The following PPP3CA variants were observed in gnomAD, a reference collection of about 807,000 sequenced individuals.
PPP3CA encodes protein phosphatase 3 catalytic subunit alpha, also known as CAM-PRP catalytic subunit.
A neutral mutation model predicts 66.5 loss-of-function variants in PPP3CA; 14 were observed. The observed-to-expected ratio is 0.21, with a 90% CI of 0.14 to 0.33. The LOEUF (loss-of-function observed/expected upper bound fraction) is 0.33. PPP3CA is among the 10% of genes least tolerant of loss of function. The pLI is 1.00. For missense variants in PPP3CA, 317 were observed against 639.5 expected, an observed-to-expected ratio of 0.50 and a Z score of 5.44; for synonymous variants, 232 against 226.2, an observed-to-expected ratio of 1.03 and a Z score of -0.23.
intron 1 of PPP3CA, among the ~76,000 whole-genome samples, chr4:101,335,969 C>T (rs1204632245): frequency 6.6e-6 from 1 of 152,106 alleles, no homozygotes; most frequent in Non-Finnish European, 1.5e-5. Context: ...CTTTGGGAGG[C>T]CGAGGTGGGT....
At chr4:101,064,777 A>C (rs1728611695) in intron 8 of PPP3CA, among the ~76,000 whole-genome samples, 1 of 152,064 alleles carries the variant, frequency 6.6e-6, no homozygotes, top group South Asian at 2.1e-4. Flanking sequence ...GCCCAGAAGT[A>C]ATATAATCAT....
intron 1 of PPP3CA, among the ~76,000 whole-genome samples, chr4:101,228,869 C>T (rs1188814986): frequency 1.3e-5 from 2 of 151,610 alleles, no homozygotes; most frequent in Admixed American, 6.6e-5. Context: ...ACAAAGATAA[C>T]CTCCACCAGA....
intron 6 of PPP3CA, among the ~76,000 whole-genome samples, chr4:101,091,549 T>A (rs1260386163): frequency 6.6e-6 from 1 of 152,070 alleles, no homozygotes; most frequent in African/African-American, 2.4e-5. Flanking sequence ...TGCACTAGAT[T>A]TTCTATTCAT....
chr4:101,244,291 C>T (rs1466138336), intron 1 of PPP3CA, among the ~76,000 whole-genome samples: 1 of 152,076 alleles, frequency 6.6e-6, no homozygotes, highest in African/African-American at 2.4e-5. Context: ...TACTCTTTAC[C>T]ACACAAAAGT....
At position 101,278,122 on chromosome 4, in the gene PPP3CA, T is replaced by TAAAAAAAA. The variant is rs3077992; in HGVS notation, c.58+68609_58+68616dup. ...AAAATGAAACTTTAAAAGCTATTAG[T>TAAAAAAAA]AAAAAAAAAAAAAAAAATAAAAAAA... On this transcript the variant is annotated intron_variant, in intron 1 of 13. Coordinates refer to ENST00000394854, the MANE Select transcript of PPP3CA (RefSeq NM_000944.5). Among the ~76,000 whole-genome samples, 240 of 112,058 alleles carry TAAAAAAAA rather than the reference T, an allele frequency of 2.1e-3. 2 individuals carry two copies. Among genetic ancestry groups the TAAAAAAAA allele is most frequent in the East Asian group, 0.015 (45 of 3,044 alleles). 73.5% of individuals were successfully genotyped at this position (112,058 alleles called of 152,430 possible).
In PPP3CA at chr4:101,042,968, G is replaced by A. The variant is rs536437056; in HGVS notation, c.1157-2402C>T. ...AAATTCCCTACCTCAACTGACCTGTGAACTCAGGGGTCATGATGTGCTGAG... is the reference window on the plus strand; with the variant it reads ...AAATTCCCTACCTCAACTGACCTGTAAACTCAGGGGTCATGATGTGCTGAG... On this transcript the variant is annotated intron_variant, in intron 10 of 13. Transcript: ENST00000394854. 3.3e-5 allele frequency among the ~76,000 whole-genome samples: 5 copies of A among 151,972 alleles called. No homozygotes were observed. The East Asian group carries it at 9.7e-4, about 29-fold the overall frequency.
chr4:101,083,408 C>T, intron 6 of PPP3CA, 145 bp from the exon 7 acceptor site: 1 of 689,376 alleles, frequency 1.5e-6, no homozygotes, highest in Non-Finnish European at 2.4e-6. Flanking sequence ...GACTCTAAGG[C>T]CAAGTTTATC....
intron 1 of PPP3CA, among the ~76,000 whole-genome samples, chr4:101,295,601 C>T (rs1416049076): frequency 1.3e-5 from 2 of 152,154 alleles, no homozygotes; most frequent in African/African-American, 4.8e-5. Flanking sequence ...CAGAATGAAA[C>T]AAAATGGGGA....
Position 101,080,573 on chromosome 4 carries a change from A to G in PPP3CA, c.914T>C (p.Ile305Thr). 1 of 1,536,342 alleles carries G rather than the reference A, an allele frequency of 6.5e-7. No homozygotes were observed. Among genetic ancestry groups the G allele is most frequent in the Non-Finnish European group, 8.8e-7 (1 of 1,130,172 alleles). The part of the protein sequence containing the change: ...QTTGFPSLIT[I>T]FSAPNYLDVY... ...ATCTAAGTAATTTGGTGCTGAAAAA[A>G]TTGTAATTAGAGAAGGGAAGCCTGT... The change falls in exon 8 of 14, where the codon ATT becomes ACT. Residue 305 changes from isoleucine to threonine, a missense_variant. Physicochemically the swap from Ile to Thr is moderately conservative, Grantham distance 89. Coordinates refer to ENST00000394854, the MANE Select transcript of PPP3CA (RefSeq NM_000944.5).
chr4:101,164,742 G>A (rs1002415835), intron 2 of PPP3CA, among the ~76,000 whole-genome samples: 8 of 152,048 alleles, frequency 5.3e-5, no homozygotes, highest in African/African-American at 1.9e-4. Context: ...AGAGGGCAGT[G>A]AGGATCAGAT....
intron 2 of PPP3CA, among the ~76,000 whole-genome samples, chr4:101,180,864 C>CA (rs1724214285): frequency 6.6e-6 from 1 of 151,792 alleles, no homozygotes; most frequent in Non-Finnish European, 1.5e-5. Context: ...TGAGTCTCTA[C>CA]AAAAAAATAA....
chr4:101,140,880 A>G (rs758784354), intron 2 of PPP3CA, among the ~76,000 whole-genome samples: 1 of 152,182 alleles, frequency 6.6e-6, no homozygotes, highest in Non-Finnish European at 1.5e-5. Flanking sequence ...ATCTGTTTTT[A>G]GTATTCTACC....
chr4:101,269,843 T>C (rs1727282560), intron 1 of PPP3CA, among the ~76,000 whole-genome samples: 1 of 152,214 alleles, frequency 6.6e-6, no homozygotes, highest in South Asian at 2.1e-4. Context: ...GCAACATCAG[T>C]AGAAGTCACG....
Position 101,048,100 on chromosome 4 carries a change from C to G in PPP3CA, c.1157-7534G>C, listed in dbSNP as rs527790432. 3.9e-5 allele frequency among the ~76,000 whole-genome samples: 6 copies of G among 152,062 alleles called. No individual in the cohort carries two copies. The East Asian group carries it at 1.2e-3, about 29-fold the overall frequency. On this transcript the variant is annotated intron_variant, in intron 10 of 13. Coordinates refer to ENST00000394854, the MANE Select transcript of PPP3CA (RefSeq NM_000944.5). ...GTGTGCCCCAGAGGTTTTTATAGCT[C>G]AAGGAAATGTTCATAGTGACTATGT...
intron 1 of PPP3CA, among the ~76,000 whole-genome samples, chr4:101,335,306 A>G (rs148325940): frequency 3.8e-4 from 58 of 151,788 alleles, no homozygotes; most frequent in African/African-American, 1.3e-3. Context: ...ATTAGGCACA[A>G]GTGAAAGCAA....
chr4:101,252,437 T>C (rs1306270988), intron 1 of PPP3CA, among the ~76,000 whole-genome samples: 1 of 152,168 alleles, frequency 6.6e-6, no homozygotes, highest in Admixed American at 6.5e-5. Context: ...TCTTTTTTTC[T>C]GATTTATATG....
intron 1 of PPP3CA, among the ~76,000 whole-genome samples, chr4:101,243,553 C>T (rs935520944): frequency 1.3e-5 from 2 of 152,046 alleles, no homozygotes; most frequent in African/African-American, 4.8e-5. Flanking sequence ...GGTATGACCA[C>T]TATTTACATA....
chr4:101,099,735 A>C lies in PPP3CA; in HGVS notation c.385-13T>G. 1.5e-6 allele frequency: 2 copies of C among 1,309,420 alleles called. No individual in the cohort carries two copies. The highest frequency in any genetic ancestry group is 2.1e-6 in the Non-Finnish European group (2 of 970,906). The allele number at this position is 1,309,420 out of a possible 1,614,324, so 81.1% of individuals were successfully genotyped here. A position where few individuals can be genotyped will look rare whatever the true frequency, so the allele number is the denominator to read the frequency against. ...AATACAGCACACACTGAGAAAAATA[A>C]AAATAATATAAAAATAAATATTTTT... On this transcript the variant is annotated splice_polypyrimidine_tract_variant and intron_variant, in intron 3 of 13. Coordinates refer to ENST00000394854, the MANE Select transcript of PPP3CA (RefSeq NM_000944.5).
At chr4:101,146,109 T>G (rs1722960751) in intron 2 of PPP3CA, among the ~76,000 whole-genome samples, 1 of 152,226 alleles carries the variant, frequency 6.6e-6, no homozygotes, top group South Asian at 2.1e-4. Context: ...ATGCTGCAAG[T>G]TGGAATATTC....
Sources: allele counts gnomAD v4.1 joint callset (sites outside exome capture counted in the v4.1 genomes callset), GRCh38; gene constraint gnomAD v4.1.1; transcripts MANE v1.5; gene names NCBI Gene and HGNC (gene_info 2026-07-23, HGNC 2026-07-21).